The following RNLS variants were observed in gnomAD, a reference collection of about 807,000 sequenced individuals.
RNLS encodes the protein renalase.
Under a neutral mutation model 39.8 loss-of-function variants are expected in RNLS, and 39 were observed. That is an observed-to-expected ratio of 0.98 (90% confidence interval 0.76 to 1.28). The LOEUF (loss-of-function observed/expected upper bound fraction) is 1.28. Ranked by LOEUF, RNLS falls within the 50% of genes most tolerant of loss-of-function variation. The probability of loss-of-function intolerance (pLI) is 0.00; values close to 1 mark genes in which losing one functional copy is unlikely to be tolerated. For synonymous variants in RNLS, 147 were observed against 150.7 expected, an observed-to-expected ratio of 0.98 and a Z score of 0.18; for missense variants, 410 against 413.3, an observed-to-expected ratio of 0.99 and a Z score of 0.07.
At chr10:88,207,568 C>T in the RNLS span, among the ~76,000 whole-genome samples, 1 of 152,154 alleles carries the variant, frequency 6.6e-6, no homozygotes, top group East Asian at 1.9e-4. Context: ...GACTCTCACA[C>T]ATTGCTTTAA....
intron 6 of RNLS, among the ~76,000 whole-genome samples, chr10:88,275,660 C>T (rs899787674): frequency 2.0e-5 from 3 of 152,088 alleles, no homozygotes; most frequent in East Asian, 3.8e-4. Context: ...TAAATACATA[C>T]AATATGCTGT....
intron 5 of RNLS, among the ~76,000 whole-genome samples, chr10:88,334,684 A>C (rs559208154): frequency 2.2e-4 from 34 of 152,242 alleles, no homozygotes; most frequent in African/African-American, 8.2e-4. Context: ...GGGGTACCTG[A>C]ATTTATGGAT....
Position 88,495,594 on chromosome 10 carries a change from G to A in RNLS, c.526+77309C>T, listed in dbSNP as rs550584423. Among the ~76,000 whole-genome samples the A allele has an allele frequency of 1.4e-4, 21 of 152,262 alleles. No homozygotes were observed. The South Asian group carries it at 3.9e-3, about 29-fold the overall frequency. On this transcript the variant is annotated intron_variant, in intron 4 of 6. Transcript: ENST00000331772. ...GAAAAGAAATCAAAAAGGGCTACCA[G>A]TGGGGGATGAGAGAGGAGGAAAATT...
At chr10:88,360,463 C>T (rs1252102076) in intron 5 of RNLS, among the ~76,000 whole-genome samples, 1 of 152,110 alleles carries the variant, frequency 6.6e-6, no homozygotes. Flanking sequence ...GAGATGGAGT[C>T]TTGCACTGTC....
chr10:88,493,008 A>G (rs1189012971), intron 4 of RNLS, among the ~76,000 whole-genome samples: 1 of 152,180 alleles, frequency 6.6e-6, no homozygotes, highest in African/African-American at 2.4e-5. Flanking sequence ...AACTCAAAAC[A>G]TTTGTGGATG....
intron 5 of RNLS, among the ~76,000 whole-genome samples, chr10:88,333,471 A>G (rs1331697511): frequency 6.6e-6 from 1 of 152,186 alleles, no homozygotes; most frequent in Admixed American, 6.5e-5. Context: ...CTTCCCGTTT[A>G]ATAACGGAAA....
At chr10:88,523,088 C>CA (rs911071486) in intron 4 of RNLS, among the ~76,000 whole-genome samples, 18 of 151,388 alleles carry the variant, frequency 1.2e-4, no homozygotes, top group Admixed American at 2.6e-4. Flanking sequence ...ATAAACAAAT[C>CA]AAAAAAAACC....
At chr10:88,419,017 C>A (rs912919425) in intron 4 of RNLS, among the ~76,000 whole-genome samples, 1 of 152,188 alleles carries the variant, frequency 6.6e-6, no homozygotes, top group Non-Finnish European at 1.5e-5. Context: ...GAAAGGTGAG[C>A]CCCAATTTGC....
chr10:88,484,294 G>C (rs892714604), intron 4 of RNLS, among the ~76,000 whole-genome samples: 3 of 151,910 alleles, frequency 2.0e-5, no homozygotes, highest in African/African-American at 4.8e-5. Context: ...AAAAAGATAG[G>C]CTTCCTTCTT....
the RNLS span, among the ~76,000 whole-genome samples, chr10:88,231,938 A>G: frequency 1.4e-5 from 1 of 70,136 alleles, no homozygotes; most frequent in Admixed American, 1.6e-4. Flanking sequence ...ATGTCACAGG[A>G]TTTCTGTGTG....
At chr10:88,329,148 GC>G (rs1846885669) in intron 5 of RNLS, among the ~76,000 whole-genome samples, 1 of 150,906 alleles carries the variant, frequency 6.6e-6, no homozygotes. Context: ...GCTCACTACA[GC>G]CTTGAACTCT....
chr10:88,284,260 A>G lies in RNLS; in HGVS notation c.*1094T>C, dbSNP rs559238572. 4.1e-6 allele frequency: 4 copies of G among 985,258 alleles called. No homozygotes were observed. Among genetic ancestry groups the G allele is most frequent in the Non-Finnish European group, 4.8e-6 (4 of 829,924 alleles). The allele number at this position is 985,258 out of a possible 1,614,324, so 61.0% of individuals were successfully genotyped here. On this transcript the variant is annotated 3_prime_UTR_variant, in exon 7 of 7. Transcript: ENST00000331772. ...GACATGTAAGTGTGAAACTTTAAAC[A>G]CTATTACAGTAAGAAGTCTTTTGTT...
Position 88,546,367 on chromosome 10 carries a change from T to A in RNLS, c.526+26536A>T, listed in dbSNP as rs146755262. ...ATATTATTATAAAAAGAAAAAATGA[T>A]TTGCTGATCTTTCCATCTGCTTGAA... is the stretch of plus-strand genomic sequence containing the variant. On this transcript the variant is annotated intron_variant, in intron 4 of 6. Coordinates refer to ENST00000331772, the MANE Select transcript of RNLS (RefSeq NM_001031709.3). 3.0e-3 allele frequency among the ~76,000 whole-genome samples: 451 copies of A among 152,104 alleles called. 5 individuals carry two copies. Among genetic ancestry groups the A allele is most frequent in the Non-Finnish European group, 1.9e-3 (131 of 67,958 alleles).
intron 5 of RNLS, among the ~76,000 whole-genome samples, chr10:88,319,447 A>T (rs1846014358): frequency 6.6e-6 from 1 of 152,160 alleles, no homozygotes; most frequent in African/African-American, 2.4e-5. Context: ...AAAAGTCTGA[A>T]ATGGCAGACA....
rs75306237 is a variant in RNLS at position 88,441,635 on chromosome 10, T to C, written c.527-78910A>G. ...GGGTGCGCTCTCTTCAGTCACAGAA[T>C]GCTTAGCAGGCATAGCAGTGAGGGC... On this transcript the variant is annotated intron_variant, in intron 4 of 6. Transcript: ENST00000331772. 2.0e-4 allele frequency among the ~76,000 whole-genome samples: 31 copies of C among 152,324 alleles called. No homozygotes were observed. In the East Asian group the frequency reaches 2.5e-3, roughly 12 times the overall value.
At chr10:88,327,021 T>A (rs967689757) in intron 5 of RNLS, among the ~76,000 whole-genome samples, 4 of 152,196 alleles carry the variant, frequency 2.6e-5, no homozygotes, top group Non-Finnish European at 1.5e-5. Flanking sequence ...CCATTTGGAA[T>A]GGGAGCATTT....
chr10:88,555,984 T>C (rs1245792534), intron 4 of RNLS, among the ~76,000 whole-genome samples: 2 of 152,110 alleles, frequency 1.3e-5, no homozygotes, highest in South Asian at 4.1e-4. Context: ...AGCTCAGACA[T>C]TGCTCCTGAA....
At chr10:88,353,231 G>C (rs1024857765) in intron 5 of RNLS, among the ~76,000 whole-genome samples, 5 of 152,154 alleles carry the variant, frequency 3.3e-5, no homozygotes, top group Non-Finnish European at 5.9e-5. Flanking sequence ...TCTGATCTTA[G>C]TTATTTCCTG....
intron 4 of RNLS, among the ~76,000 whole-genome samples, chr10:88,386,390 AC>A (rs567351568): frequency 1.3e-3 from 198 of 152,210 alleles, no homozygotes; most frequent in Non-Finnish European, 2.1e-3. Flanking sequence ...GAAGGCAGTG[AC>A]CCATTTGTTA....
Sources: gnomAD v4.1 joint callset for allele counts (sites outside exome capture counted in the v4.1 genomes callset) on GRCh38, gnomAD v4.1.1 for gene constraint, MANE v1.5 for transcripts, NCBI Gene and HGNC (gene_info 2026-07-23, HGNC 2026-07-21) for gene names.